Variants in RB1 observed in about 807,000 individuals in gnomAD.
The protein encoded by RB1 is RB transcriptional corepressor 1, also known as retinoblastoma-associated protein.
A neutral mutation model predicts 135.4 loss-of-function variants in RB1; 18 were observed. The ratio of observed to expected loss-of-function variants is 0.13; its 90% CI spans 0.09 to 0.20. The LOEUF (loss-of-function observed/expected upper bound fraction) is 0.20. Ranked by LOEUF, RB1 falls within the 10% of genes least tolerant of loss-of-function variation. RB1 has a pLI of 1.00. For missense variants in RB1, 868 were observed against 1,110.0 expected (o/e 0.78, Z 3.10); for synonymous variants, 365 against 373.2 (o/e 0.98, Z 0.25).
At chr13:48,359,131 A>C (rs1952616711) in intron 6 of RB1, among the ~76,000 whole-genome samples, 1 of 152,072 alleles carries the variant, frequency 6.6e-6, no homozygotes, top group South Asian at 2.1e-4. Flanking sequence ...AATGTATGAC[A>C]TGGAGCCATA....
intron 26 of RB1, 111 bp from the exon 27 acceptor site, chr13:48,479,887 T>C: frequency 1.3e-6 from 1 of 789,742 alleles, no homozygotes; most frequent in South Asian, 1.5e-5. Flanking sequence ...CCACTGCTTT[T>C]GCAAGGTCCT....
rs558114005 is a variant in RB1 at position 48,465,060 on chromosome 13, G to A, written c.2274G>A (p.Ser758=). The change falls in exon 22 of 27, where the codon TCG becomes TCA. Residue 758 remains serine (S), a synonymous_variant. Coordinates refer to ENST00000267163, the MANE Select transcript of RB1 (RefSeq NM_000321.3). ...EYDSIIVFYN[S]VFMQRLKTNI... ...ATTCTATTATAGTATTCTATAACTC[G>A]GTCTTCATGCAGAGACTGAAAACAA... The A allele has an allele frequency of 1.9e-5, 30 of 1,606,916 alleles. No individual in the cohort carries two copies. Among genetic ancestry groups the A allele is most frequent in the East Asian group, 6.7e-5 (3 of 44,572 alleles).
chr13:48,448,810 A>G (rs1949307127), intron 17 of RB1, among the ~76,000 whole-genome samples: 1 of 152,254 alleles, frequency 6.6e-6, no homozygotes, highest in Non-Finnish European at 1.5e-5. Flanking sequence ...CATGTGATGT[A>G]TCATGTAATC....
chr13:48,464,960 T>G (rs780020512), intron 21 of RB1, 38 bp from the exon 22 acceptor site: 1 of 514,558 alleles, frequency 1.9e-6, no homozygotes. Flanking sequence ...AAATTTTACT[T>G]TTTTTTTTTT....
In RB1 at chr13:48,393,053, G is replaced by A. The variant is rs372686296; in HGVS notation, c.1695+11610G>A. Among the ~76,000 whole-genome samples the A allele has an allele frequency of 1.4e-4, 21 of 152,166 alleles. 1 individual carries two copies. In the South Asian group the frequency reaches 4.4e-3, roughly 32 times the overall value. On this transcript the variant is annotated intron_variant, in intron 17 of 26. Transcript: ENST00000267163. The stretch of plus-strand genomic sequence containing the variant: ...GCATTGCTCTTCTGAGTACTCTACT[G>A]AATATCCCATATATGACAAGGTTTT...
At chr13:48,397,251 C>G (rs1336477809) in intron 17 of RB1, among the ~76,000 whole-genome samples, 1 of 152,160 alleles carries the variant, frequency 6.6e-6, no homozygotes, top group Non-Finnish European at 1.5e-5. Flanking sequence ...ACCCAAATGC[C>G]CATCAGTGGT....
At position 48,434,263 on chromosome 13, in the gene RB1, A is replaced by G. The variant is rs572960734; in HGVS notation, c.1696-18730A>G. 3.7e-4 allele frequency among the ~76,000 whole-genome samples: 57 copies of G among 152,126 alleles called. 1 individual carries two copies. The highest frequency in any genetic ancestry group is 7.2e-4 in the Admixed American group (11 of 15,276). On this transcript the variant is annotated intron_variant, in intron 17 of 26. Transcript: ENST00000267163. ...GTAGTTTGAGAACGGCCTGGACAAC[A>G]TAGTGAGAATCTCTCTCCATTTAAT...
intron 2 of RB1, 110 bp from the exon 3 acceptor site, chr13:48,342,489 A>G (rs1952454568): frequency 2.7e-6 from 2 of 727,986 alleles, no homozygotes; most frequent in Non-Finnish European, 4.8e-6. Flanking sequence ...TATTACAAAC[A>G]TTTATTTTGT....
chr13:48,382,662 G>A (rs1251511164), intron 17 of RB1, among the ~76,000 whole-genome samples: 23 of 152,022 alleles, frequency 1.5e-4, no homozygotes, highest in South Asian at 2.1e-4. Flanking sequence ...CACTCTGATC[G>A]TAGTTTCTTT....
At chr13:48,457,447 C>G (rs533095746) in intron 19 of RB1, among the ~76,000 whole-genome samples, 2 of 152,292 alleles carry the variant, frequency 1.3e-5, no homozygotes, top group East Asian at 3.9e-4. Context: ...AAAGTGTGCA[C>G]CGATTGGTAC....
At chr13:48,349,079 C>T (rs2138093976) in intron 6 of RB1, 56 bp downstream of exon 6, 1 of 1,528,154 alleles carries the variant, frequency 6.5e-7, no homozygotes, top group Non-Finnish European at 8.9e-7. Context: ...ATTAAATTGG[C>T]ATTCCTTTGG....
chr13:48,419,075 C>T (rs1241207009), intron 17 of RB1, among the ~76,000 whole-genome samples: 1 of 152,190 alleles, frequency 6.6e-6, no homozygotes, highest in Non-Finnish European at 1.5e-5. Flanking sequence ...CCCAAATCAA[C>T]AGAATAGACA....
chr13:48,387,060 A>G (rs1948576609), intron 17 of RB1, among the ~76,000 whole-genome samples: 1 of 152,212 alleles, frequency 6.6e-6, no homozygotes, highest in Admixed American at 6.5e-5. Flanking sequence ...AAAGGTTATT[A>G]AAGTACTCCT....
At position 48,412,541 on chromosome 13, in the gene RB1, G is replaced by T. The variant is rs545511540; in HGVS notation, c.1695+31098G>T. The T allele has an allele frequency of 4.0e-6, 3 of 756,582 alleles. No individual in the cohort carries two copies. The African/African-American group carries it at 5.2e-5, about 13-fold the overall frequency. 46.9% of individuals were successfully genotyped at this position (756,582 alleles called of 1,614,324 possible). The stretch of plus-strand genomic sequence containing the variant: ...TATTTGCAAATTATCTGGATCTTTG[G>T]ATGGTTTTATAAATATTTCCTTTTT... On this transcript the variant is annotated intron_variant, in intron 17 of 26. Coordinates refer to ENST00000267163, the MANE Select transcript of RB1 (RefSeq NM_000321.3).
At chr13:48,393,532 T>A (rs1337115506) in intron 17 of RB1, among the ~76,000 whole-genome samples, 1 of 152,228 alleles carries the variant, frequency 6.6e-6, no homozygotes. Context: ...ATTTTGTGGT[T>A]GTTTAAACGA....
Position 48,303,943 on chromosome 13 carries a change from G to GCCA in RB1, c.34_36dup (p.Thr12dup), listed in dbSNP as rs1471810016. ...GCCCAAAACCCCCCGAAAAACGGCC[G>GCCA]CCACCGCCGCCGCTGCCGCCGCGGA... On this transcript the variant is annotated inframe_insertion, in exon 1 of 27. Coordinates refer to ENST00000267163, the MANE Select transcript of RB1 (RefSeq NM_000321.3). The GCCA allele has an allele frequency of 3.3e-6, 5 of 1,508,980 alleles. No homozygotes were observed. The highest frequency in any genetic ancestry group is 3.5e-6 in the Non-Finnish European group (4 of 1,136,342). 93.5% of individuals were successfully genotyped at this position (1,508,980 alleles called of 1,614,324 possible).
intron 6 of RB1, among the ~76,000 whole-genome samples, chr13:48,357,238 C>T (rs1034650240): frequency 7.9e-5 from 12 of 151,642 alleles, no homozygotes; most frequent in African/African-American, 2.7e-4. Context: ...TGTTGGATTG[C>T]TTTTATTCTC....
At chr13:48,465,616 CG>C (rs1392838636) in intron 23 of RB1, among the ~76,000 whole-genome samples, 2 of 151,908 alleles carry the variant, frequency 1.3e-5, no homozygotes, top group Non-Finnish European at 2.9e-5. Context: ...ACGCAGAAGA[CG>C]GGTGATTTCT....
intron 12 of RB1, among the ~76,000 whole-genome samples, chr13:48,374,804 TG>T (rs1252036339): frequency 5.9e-5 from 9 of 152,264 alleles, no homozygotes; most frequent in African/African-American, 1.7e-4. Flanking sequence ...TTTTTAAACT[TG>T]GAAACTATAT....
Sources: gnomAD v4.1 joint callset for allele counts (sites outside exome capture counted in the v4.1 genomes callset) on GRCh38, gnomAD v4.1.1 for gene constraint, MANE v1.5 for transcripts, NCBI Gene and HGNC (gene_info 2026-07-23, HGNC 2026-07-21) for gene names.